Variants in RSF1 observed in about 807,000 individuals in gnomAD.
RSF1 encodes HBV pX-associated protein 8.
A neutral mutation model predicts 145.2 loss-of-function variants in RSF1; 13 were observed. The ratio of observed to expected loss-of-function variants is 0.09; its 90% CI spans 0.06 to 0.14. The LOEUF is 0.14. RSF1 is among the 10% of genes least tolerant of loss of function. The pLI is 1.00. For missense variants in RSF1, 1,517 were observed against 1,718.2 expected (o/e 0.88, Z 2.07); for synonymous variants, 577 against 592.6 (o/e 0.97, Z 0.38).
chr11:77,770,869 G>T (rs1565175302), intron 1 of RSF1, among the ~76,000 whole-genome samples: 1 of 152,170 alleles, frequency 6.6e-6, no homozygotes, highest in Non-Finnish European at 1.5e-5. Flanking sequence ...TCCTTATGAA[G>T]AGACAAGGCC....
chr11:77,709,532 T>C (rs1265579535), intron 5 of RSF1, among the ~76,000 whole-genome samples: 1 of 152,152 alleles, frequency 6.6e-6, no homozygotes, highest in African/African-American at 2.4e-5. Context: ...CCAAAGAAAC[T>C]TTCACGATTT....
rs1959365606 is a variant in RSF1, at chr11:77,666,447, G to C, written c.*470C>G. 1 of 152,390 alleles carries C rather than the reference G, an allele frequency of 6.6e-6. No homozygotes were observed. The highest frequency in any genetic ancestry group is 1.5e-5 in the Non-Finnish European group (1 of 68,044). 9.4% of individuals were successfully genotyped at this position (152,390 alleles called of 1,614,324 possible). On this transcript the variant is annotated 3_prime_UTR_variant, in exon 16 of 16. Transcript: ENST00000308488. The stretch of plus-strand genomic sequence containing the variant: ...CAGTACAGACTTGAACTTTTAAATT[G>C]TCTGTAAATCATCATCTATGCCATG...
chr11:77,781,477 CTCT>C (rs1309900404), intron 1 of RSF1, among the ~76,000 whole-genome samples: 1 of 152,136 alleles, frequency 6.6e-6, no homozygotes, highest in Non-Finnish European at 1.5e-5. Flanking sequence ...ATTTTTATTT[CTCT>C]TGAGTAGACA....
chr11:77,798,343 G>A (rs1317277114), intron 1 of RSF1, among the ~76,000 whole-genome samples: 1 of 151,958 alleles, frequency 6.6e-6, no homozygotes, highest in African/African-American at 2.4e-5. Flanking sequence ...CTAGCACTTT[G>A]GGAGGCCAAG....
intron 5 of RSF1, among the ~76,000 whole-genome samples, chr11:77,720,748 C>G (rs1283804694): frequency 6.6e-6 from 1 of 151,974 alleles, no homozygotes; most frequent in African/African-American, 2.4e-5. Context: ...AAGGGAATGC[C>G]CAAGACATAT....
intron 5 of RSF1, chr11:77,718,327 C>A (rs766401290): frequency 6.6e-6 from 1 of 151,676 alleles, no homozygotes; most frequent in Non-Finnish European, 1.5e-5. Context: ...GAAAAAAAAA[C>A]AGTTTTGATA....
chr11:77,823,003 C>G (rs2136017359), upstream of RSF1, among the ~76,000 whole-genome samples: 1 of 152,156 alleles, frequency 6.6e-6, no homozygotes, highest in Middle Eastern at 3.4e-3. Context: ...GTCACGAGGT[C>G]AGGAGATCAA....
chr11:77,748,643 C>T (rs1053079937), intron 2 of RSF1, among the ~76,000 whole-genome samples: 1 of 152,034 alleles, frequency 6.6e-6, no homozygotes, highest in Non-Finnish European at 1.5e-5. Context: ...AGACATTTTA[C>T]CACAATGAGA....
intron 1 of RSF1, among the ~76,000 whole-genome samples, chr11:77,788,508 A>G (rs1408096653): frequency 6.6e-6 from 1 of 151,368 alleles, no homozygotes; most frequent in Non-Finnish European, 1.5e-5. Flanking sequence ...AAAAAAAAAA[A>G]AAAAAAGACT....
In RSF1 at chr11:77,662,796, T is replaced by C. The variant is rs1465054265; in HGVS notation, c.*4121A>G. ...TCATATTAAGCAGAAGAGGGCTAGG[T>C]AGATTACAGCAGATATGCAGCCTTG... On this transcript the variant is annotated 3_prime_UTR_variant, in exon 16 of 16. Coordinates refer to ENST00000308488, the MANE Select transcript of RSF1 (RefSeq NM_016578.4). 6.6e-6 allele frequency: 1 copy of C among 152,160 alleles called. No individual in the cohort carries two copies. The highest frequency in any genetic ancestry group is 1.5e-5 in the Non-Finnish European group (1 of 68,010). The allele number at this position is 152,160 out of a possible 1,614,324, so 9.4% of individuals were successfully genotyped here. A position where few individuals can be genotyped will look rare whatever the true frequency, so the allele number is the denominator to read the frequency against.
At chr11:77,855,782 T>C in the RSF1 span, among the ~76,000 whole-genome samples, 1 of 148,754 alleles carries the variant, frequency 6.7e-6, no homozygotes, top group Non-Finnish European at 1.5e-5. Context: ...CCAGACCATG[T>C]CTTGAGTGTT....
At chr11:77,675,355 T>A in intron 13 of RSF1, 99 bp from the exon 14 acceptor site, 1 of 838,662 alleles carries the variant, frequency 1.2e-6, no homozygotes, top group Non-Finnish European at 1.8e-6. Flanking sequence ...AGTGAATCAT[T>A]AAGTATAGTG....
chr11:77,754,189 A>C (rs1423847683), intron 2 of RSF1, among the ~76,000 whole-genome samples: 1 of 152,202 alleles, frequency 6.6e-6, no homozygotes, highest in Non-Finnish European at 1.5e-5. Flanking sequence ...CAAACAGGAA[A>C]ACTAGTAAGA....
intron 2 of RSF1, among the ~76,000 whole-genome samples, chr11:77,760,648 C>T (rs986272639): frequency 9.2e-5 from 14 of 152,106 alleles, no homozygotes; most frequent in African/African-American, 3.1e-4. Context: ...TTGAGAAATA[C>T]AACAGTAAAG....
At chr11:77,770,782 A>G (rs1448844819) in intron 1 of RSF1, among the ~76,000 whole-genome samples, 1 of 152,218 alleles carries the variant, frequency 6.6e-6, no homozygotes, top group African/African-American at 2.4e-5. Context: ...GCAATCCAGA[A>G]AGAAGAACAG....
chr11:77,733,013 T>G (rs1036207793), intron 4 of RSF1, among the ~76,000 whole-genome samples: 4 of 152,210 alleles, frequency 2.6e-5, no homozygotes, highest in African/African-American at 9.6e-5. Flanking sequence ...TGAGTAATGT[T>G]AAGAATAAAG....
chr11:77,830,185 A>C, the RSF1 span: 10 of 152,370 alleles, frequency 6.6e-5, no homozygotes, highest in East Asian at 1.5e-3. Context: ...GAAAAAATAC[A>C]TCCAGTAAGA....
At chr11:77,737,924 T>TCAAGAC (rs1447402333) in intron 4 of RSF1, among the ~76,000 whole-genome samples, 1 of 152,022 alleles carries the variant, frequency 6.6e-6, no homozygotes, top group East Asian at 1.9e-4. Context: ...GGTCAGGAGA[T>TCAAGAC]CAAGACCATC....
chr11:77,845,949 G>C, the RSF1 span, among the ~76,000 whole-genome samples: 2 of 151,784 alleles, frequency 1.3e-5, 1 homozygote, highest in Non-Finnish European at 2.9e-5. Context: ...TCCCCATATG[G>C]ACCTGCCTTT....
Sources: gnomAD v4.1 joint callset for allele counts (sites outside exome capture counted in the v4.1 genomes callset) on GRCh38, gnomAD v4.1.1 for gene constraint, MANE v1.5 for transcripts, NCBI Gene and HGNC (gene_info 2026-07-23, HGNC 2026-07-21) for gene names.